HCFC2: variants seen among roughly 807,000 people sequenced by gnomAD.
The protein encoded by HCFC2 is host cell factor 2.
HCFC2 carries 18 observed loss-of-function variants against 89.2 expected under a neutral mutation model. That is an observed-to-expected ratio of 0.20 (90% confidence interval 0.14 to 0.30). The LOEUF (loss-of-function observed/expected upper bound fraction) is 0.30, where lower values mean the gene tolerates loss of function less well. HCFC2 is among the 10% of genes least tolerant of loss of function. HCFC2 has a pLI of 1.00. For missense variants in HCFC2, 578 were observed against 956.1 expected, an observed-to-expected ratio of 0.60 and a Z score of 5.21; for synonymous variants, 308 against 335.7, an observed-to-expected ratio of 0.92 and a Z score of 0.90.
chr12:104,101,315 C>A (rs1369656319), intron 13 of HCFC2, among the ~76,000 whole-genome samples: 1 of 152,138 alleles, frequency 6.6e-6, no homozygotes, highest in Non-Finnish European at 1.5e-5. Context: ...GAAACCCCGT[C>A]TCTACTGAAA....
At position 104,102,944 on chromosome 12, in the gene HCFC2, C is replaced by T. The variant is rs879242105; in HGVS notation, c.2065-15C>T. Reference sequence around the variant, plus strand: ...CTTAAGAACCTTTAACCTGTTTTTTCCCCCCCCCTTCAAGAATGTTGAAGG... The same window carrying T: ...CTTAAGAACCTTTAACCTGTTTTTTTCCCCCCCCTTCAAGAATGTTGAAGG... On this transcript the variant is annotated splice_polypyrimidine_tract_variant and intron_variant, in intron 14 of 14. Coordinates refer to ENST00000229330, the MANE Select transcript of HCFC2 (RefSeq NM_013320.3). The T allele has an allele frequency of 2.8e-6, 4 of 1,450,536 alleles. No individual in the cohort carries two copies. The highest frequency in any genetic ancestry group is 1.3e-5 in the South Asian group (1 of 77,604). 89.9% of individuals were successfully genotyped at this position (1,450,536 alleles called of 1,614,324 possible). A position where few individuals can be genotyped will look rare whatever the true frequency, so the allele number is the denominator to read the frequency against.
chr12:104,090,047 T>A (rs1271667971), intron 9 of HCFC2, among the ~76,000 whole-genome samples: 1 of 152,198 alleles, frequency 6.6e-6, no homozygotes, highest in Non-Finnish European at 1.5e-5. Context: ...TTTATCTCTT[T>A]CCTGTGTTAC....
At chr12:104,071,007 C>T (rs112294961) in intron 3 of HCFC2, among the ~76,000 whole-genome samples, 11,375 of 152,056 alleles carry the variant, frequency 0.075, 551 homozygotes, top group Non-Finnish European at 0.11. Flanking sequence ...GAGGTTTCAC[C>T]GTGTTAGCCA....
chr12:104,080,963 A>G, intron 5 of HCFC2, 133 bp downstream of exon 5: 1 of 559,014 alleles, frequency 1.8e-6, no homozygotes, highest in Non-Finnish European at 3.1e-6. Flanking sequence ...TGCTGACTGA[A>G]GCTAAAATAA....
At position 104,095,792 on chromosome 12, in the gene HCFC2, A is replaced by G. The variant is rs1354446371; in HGVS notation, c.1666+229A>G. ...TTCTATCATGACTTTATGGATTTTGACCATATATTTACCTTTATCAGCTTT... is the reference window on the plus strand; with the variant it reads ...TTCTATCATGACTTTATGGATTTTGGCCATATATTTACCTTTATCAGCTTT... On this transcript the variant is annotated intron_variant, in intron 11 of 14. Coordinates refer to ENST00000229330, the MANE Select transcript of HCFC2 (RefSeq NM_013320.3). The surrounding 1 kb of genome is among the most constrained non-coding windows in gnomAD (Gnocchi z 4.2). Among the ~76,000 whole-genome samples, 1 of 152,080 alleles carries G rather than the reference A, an allele frequency of 6.6e-6. No individual in the cohort carries two copies. The highest frequency in any genetic ancestry group is 6.6e-5 in the Admixed American group (1 of 15,260).
chr12:104,099,440 T>C (rs1884274934), intron 13 of HCFC2, among the ~76,000 whole-genome samples: 2 of 151,868 alleles, frequency 1.3e-5, no homozygotes, highest in South Asian at 4.2e-4. Context: ...AGCATGTCAT[T>C]TAAAAAATCT....
chr12:104,085,522 A>C (rs933791453), intron 7 of HCFC2, among the ~76,000 whole-genome samples: 1 of 152,332 alleles, frequency 6.6e-6, no homozygotes, highest in Middle Eastern at 3.4e-3. Context: ...TGACTTAAAA[A>C]GATTTTTAAA....
chr12:104,072,295 A>G (rs562466679), intron 3 of HCFC2, among the ~76,000 whole-genome samples: 2 of 151,946 alleles, frequency 1.3e-5, no homozygotes, highest in Non-Finnish European at 2.9e-5. Context: ...TTGCTTGAGC[A>G]CAGGAGGCCA....
At chr12:104,088,373 A>T (rs1762570951) in intron 9 of HCFC2, among the ~76,000 whole-genome samples, 1 of 152,232 alleles carries the variant, frequency 6.6e-6, no homozygotes, top group South Asian at 2.1e-4. Context: ...ATGTGTACTT[A>T]TGTGTTTATT....
chr12:104,096,632 T>C (rs1884186389), intron 12 of HCFC2, among the ~76,000 whole-genome samples, 199 bp downstream of exon 12: 1 of 152,198 alleles, frequency 6.6e-6, no homozygotes, highest in South Asian at 2.1e-4. Context: ...ATAACATATG[T>C]GTTGTGTTCC....
chr12:104,101,897 T>C, intron 13 of HCFC2, 71 bp from the exon 14 acceptor site: 3 of 969,210 alleles, frequency 3.1e-6, no homozygotes, highest in East Asian at 5.8e-5. Context: ...TTAATAAAAA[T>C]TGAATAATTT....
At chr12:104,092,073 A>G (rs1313147335) in intron 9 of HCFC2, among the ~76,000 whole-genome samples, 1 of 152,236 alleles carries the variant, frequency 6.6e-6, no homozygotes, top group Admixed American at 6.5e-5. Context: ...AAGAACAACA[A>G]TATTAGGGTA....
chr12:104,090,645 A>T (rs546120787), intron 9 of HCFC2, among the ~76,000 whole-genome samples: 2 of 151,962 alleles, frequency 1.3e-5, no homozygotes, highest in South Asian at 4.2e-4. Flanking sequence ...ATAGCACCCT[A>T]TTCTTGTTTC....
intron 1 of HCFC2, 143 bp from the exon 2 acceptor site, chr12:104,066,024 T>C (rs1883119512): frequency 2.6e-6 from 2 of 765,714 alleles, no homozygotes; most frequent in South Asian, 1.7e-5. Context: ...CAACTAAAAA[T>C]GTCACCAGAC....
chr12:104,101,800 T>C (rs992630007), intron 13 of HCFC2, among the ~76,000 whole-genome samples, 168 bp from the exon 14 acceptor site: 1 of 152,190 alleles, frequency 6.6e-6, no homozygotes, highest in African/African-American at 2.4e-5. Context: ...TGCTTGTCTA[T>C]TGGAGGGTTC....
chr12:104,071,722 A>T (rs1050612574), intron 3 of HCFC2, among the ~76,000 whole-genome samples: 4 of 152,162 alleles, frequency 2.6e-5, no homozygotes, highest in Admixed American at 1.3e-4. Flanking sequence ...TTAACTTCTT[A>T]AGAAATTCTA....
intron 3 of HCFC2, among the ~76,000 whole-genome samples, chr12:104,077,217 T>G (rs1289489469): frequency 1.3e-5 from 2 of 151,544 alleles, no homozygotes; most frequent in Non-Finnish European, 2.9e-5. Context: ...TTTTTTGTTT[T>G]TTGTTTGTTT....
rs759172849 is a variant in HCFC2 at position 104,066,291 on chromosome 12, C to T, written c.288C>T (p.Tyr96=). The T allele has an allele frequency of 6.2e-7, 1 of 1,606,410 alleles. No individual in the cohort carries two copies. Residue 96 remains tyrosine, a synonymous_variant, in exon 2 of 15, where the codon TAC becomes TAT. Transcript: ENST00000229330. ...GGGGAATGGTTGAATATGGAAGATA[C>T]AGCAATGAGTTATATGAGTTACAAG... ...VFGGMVEYGR[Y]SNELYELQAS... is the part of the protein sequence containing the mutation.
Position 104,068,184 on chromosome 12 carries a change from T to A in HCFC2, c.473+77T>A. The A allele has an allele frequency of 7.9e-7, 1 of 1,270,514 alleles. No homozygotes were observed. Among genetic ancestry groups the A allele is most frequent in the South Asian group, 1.6e-5 (1 of 61,096 alleles). The allele number at this position is 1,270,514 out of a possible 1,614,324, so 78.7% of individuals were successfully genotyped here. On this transcript the variant is annotated intron_variant, in intron 3 of 14. Coordinates refer to ENST00000229330, the MANE Select transcript of HCFC2 (RefSeq NM_013320.3). The surrounding 1 kb of genome is among the most constrained non-coding windows in gnomAD (Gnocchi z 4.1). Reference sequence around the variant, plus strand: ...CATTTTATTTTTTCCATCTTTAATTTTTAAAAGGGATGATGCTTAGCTTTT... The same window carrying A: ...CATTTTATTTTTTCCATCTTTAATTATTAAAAGGGATGATGCTTAGCTTTT...
Sources: gnomAD v4.1 joint callset for allele counts (sites outside exome capture counted in the v4.1 genomes callset) on GRCh38, gnomAD v4.1.1 for gene constraint, Gnocchi (gnomAD v3.1) non-coding constraint, MANE v1.5 for transcripts, NCBI Gene and HGNC (gene_info 2026-07-23, HGNC 2026-07-21) for gene names.